Variants in TRDN observed in about 807,000 individuals in gnomAD.
TRDN encodes triadin, also known as triadin in skeletal muscle.
A neutral mutation model predicts 149.7 loss-of-function variants in TRDN; 161 were observed. The observed-to-expected ratio is 1.08, with a 90% CI of 0.95 to 1.23. The LOEUF is 1.23. Among genes scored for constraint, TRDN ranks in the 50% most tolerant of loss-of-function variants. The pLI is 0.00. For synonymous variants in TRDN, 294 were observed against 250.5 expected (o/e 1.17, Z -1.64); for missense variants, 896 against 823.5 (o/e 1.09, Z -1.08).
intron 38 of TRDN, among the ~76,000 whole-genome samples, chr6:123,229,629 C>G (rs1473256990): frequency 2.0e-5 from 3 of 151,872 alleles, no homozygotes; most frequent in African/African-American, 7.2e-5. Flanking sequence ...GTCTTCATCT[C>G]TTTGGAGTCA....
chr6:123,315,828 C>A (rs1286833625), intron 24 of TRDN, among the ~76,000 whole-genome samples: 1 of 151,902 alleles, frequency 6.6e-6, no homozygotes, highest in African/African-American at 2.4e-5. Flanking sequence ...TCATCACTAG[C>A]CTTGAGTGCC....
At chr6:123,248,629 T>C (rs1403539822) in intron 38 of TRDN, among the ~76,000 whole-genome samples, 3 of 151,990 alleles carry the variant, frequency 2.0e-5, no homozygotes, top group Admixed American at 1.3e-4. Flanking sequence ...AAATATTGGA[T>C]ACTGATAAAC....
chr6:123,397,340 C>G (rs992597518), intron 12 of TRDN, among the ~76,000 whole-genome samples: 1 of 152,056 alleles, frequency 6.6e-6, no homozygotes, highest in African/African-American at 2.4e-5. Context: ...CAATACCCAG[C>G]CCACTGACCT....
At chr6:123,462,715 T>C (rs745471866) in intron 10 of TRDN, 5 of 152,148 alleles carry the variant, frequency 3.3e-5, no homozygotes, top group Non-Finnish European at 7.4e-5. Context: ...TTTTTTTCTT[T>C]TTGCAGCTTG....
At chr6:123,361,978 C>T (rs1399074612) in intron 20 of TRDN, among the ~76,000 whole-genome samples, 1 of 152,126 alleles carries the variant, frequency 6.6e-6, no homozygotes, top group Admixed American at 6.5e-5. Context: ...GTGATGCTAC[C>T]TTCATGTGCT....
intron 38 of TRDN, among the ~76,000 whole-genome samples, chr6:123,245,328 T>C (rs1776133007): frequency 6.6e-6 from 1 of 152,084 alleles, no homozygotes; most frequent in Non-Finnish European, 1.5e-5. Context: ...GACTCATCAG[T>C]GTGCTGTATT....
intron 4 of TRDN, among the ~76,000 whole-genome samples, chr6:123,533,200 T>C (rs1004461928): frequency 6.6e-6 from 1 of 152,100 alleles, no homozygotes; most frequent in African/African-American, 2.4e-5. Flanking sequence ...ACATTCACCA[T>C]GTAATGGGGA....
At chr6:123,630,211 T>C (rs1785915958) in intron 1 of TRDN, among the ~76,000 whole-genome samples, 1 of 152,042 alleles carries the variant, frequency 6.6e-6, no homozygotes, top group African/African-American at 2.4e-5. Flanking sequence ...TTTTTAAAAA[T>C]ACATTAAACA....
intron 24 of TRDN, among the ~76,000 whole-genome samples, chr6:123,283,154 C>A (rs1177908387): frequency 1.3e-5 from 2 of 151,728 alleles, no homozygotes; most frequent in African/African-American, 4.8e-5. Context: ...GAATTCAATT[C>A]TAAAAGGAAC....
Position 123,512,307 on chromosome 6 carries a change from C to G in TRDN, c.606G>C (p.Ala202=). ...AATAATAAATTGAAAAGTTACCTTT[C>G]GCCAGTGTCTTTGTTTCTGGTTTTT... ...KKEKPETKTL[A]KEQKKAKTAE... is the part of the protein sequence containing the mutation. Residue 202 remains alanine, a synonymous_variant, in exon 7 of 41, where the codon GCG becomes GCC. Transcript: ENST00000334268. 1.4e-6 allele frequency: 2 copies of G among 1,477,620 alleles called. No individual in the cohort carries two copies. The highest frequency in any genetic ancestry group is 1.9e-6 in the Non-Finnish European group (2 of 1,078,346). 91.5% of individuals were successfully genotyped at this position (1,477,620 alleles called of 1,614,324 possible).
At chr6:123,529,359 A>G (rs1562367088) in intron 5 of TRDN, 1 of 1,547,846 alleles carries the variant, frequency 6.5e-7, no homozygotes. Context: ...TAGTTTCCTA[A>G]GTACAAATAT....
chr6:123,578,748 A>C (rs1157926662), intron 1 of TRDN, among the ~76,000 whole-genome samples: 1 of 152,146 alleles, frequency 6.6e-6, no homozygotes, highest in Admixed American at 6.6e-5. Context: ...CTTGGGCAGT[A>C]TGGCCATTTT....
At chr6:123,356,652 G>A (rs1384122435) in intron 20 of TRDN, among the ~76,000 whole-genome samples, 1 of 148,730 alleles carries the variant, frequency 6.7e-6, no homozygotes, top group Admixed American at 6.7e-5. Context: ...ATGTAAGATT[G>A]GTGCTAATTT....
chr6:123,557,875 C>A (rs940914542), intron 2 of TRDN, among the ~76,000 whole-genome samples: 1 of 151,338 alleles, frequency 6.6e-6, no homozygotes, highest in Admixed American at 6.6e-5. Context: ...CTATGGACAA[C>A]CTTCCACCCT....
intron 1 of TRDN, among the ~76,000 whole-genome samples, chr6:123,584,436 G>T (rs1393816473): frequency 6.6e-6 from 1 of 152,048 alleles, no homozygotes; most frequent in Non-Finnish European, 1.5e-5. Flanking sequence ...TGGACAGAAA[G>T]GCTACAGGGT....
intron 23 of TRDN, among the ~76,000 whole-genome samples, chr6:123,330,423 G>T (rs946821150): frequency 1.3e-5 from 2 of 151,800 alleles, no homozygotes; most frequent in African/African-American, 4.8e-5. Context: ...AATGTAGCAC[G>T]ATTTATCTGC....
intron 23 of TRDN, among the ~76,000 whole-genome samples, chr6:123,324,535 A>G (rs1779371158): frequency 1.3e-5 from 2 of 152,122 alleles, no homozygotes; most frequent in African/African-American, 4.8e-5. Flanking sequence ...TATGCATAAA[A>G]TAGCTTGGAG....
At chr6:123,344,820 G>A (rs1450223676) in intron 21 of TRDN, among the ~76,000 whole-genome samples, 3 of 151,944 alleles carry the variant, frequency 2.0e-5, no homozygotes, top group African/African-American at 7.2e-5. Flanking sequence ...GGATTGCATC[G>A]TGAGAGTAAG....
intron 12 of TRDN, among the ~76,000 whole-genome samples, chr6:123,411,245 C>T (rs892467517): frequency 6.6e-6 from 1 of 151,896 alleles, no homozygotes; most frequent in Non-Finnish European, 1.5e-5. Context: ...CGAGCTTTCT[C>T]CGTGTTGGCA....
Sources: gnomAD v4.1 joint callset for allele counts (sites outside exome capture counted in the v4.1 genomes callset) on GRCh38, gnomAD v4.1.1 for gene constraint, MANE v1.5 for transcripts, NCBI Gene and HGNC (gene_info 2026-07-23, HGNC 2026-07-21) for gene names.